The following LUZP2 variants were observed in gnomAD, a reference collection of about 807,000 sequenced individuals.
The protein encoded by LUZP2 is leucine zipper protein 2.
In LUZP2, 52 loss-of-function variants were observed where a neutral mutation model predicts 51.6. The ratio of observed to expected loss-of-function variants is 1.01; its 90% CI spans 0.81 to 1.27. LUZP2 has a LOEUF of 1.27. Ranked by LOEUF, LUZP2 falls within the 50% of genes most tolerant of loss-of-function variation. The probability of loss-of-function intolerance (pLI) is 0.00; values close to 1 mark genes in which losing one functional copy is unlikely to be tolerated. For missense variants in LUZP2, 436 were observed against 395.4 expected, an observed-to-expected ratio of 1.10 and a Z score of -0.87; for synonymous variants, 154 against 137.3, an observed-to-expected ratio of 1.12 and a Z score of -0.85.
In LUZP2 at chr11:25,044,060, G is replaced by GAGTCTATATATATATCTGATATATATAT. The variant is rs1565273232; in HGVS notation, c.766-5965_766-5964insATCTGATATATATATAGTCTATATATAT. On this transcript the variant is annotated intron_variant, in intron 9 of 11. Transcript: ENST00000336930. ...TCTATATATATATCTGATATATATA[G>GAGTCTATATATATATCTGATATATATAT]AGTCTATATATATCTGATAAGACTA... Among the ~76,000 whole-genome samples the GAGTCTATATATATATCTGATATATATAT allele has an allele frequency of 4.0e-4, 41 of 102,292 alleles. 1 individual carries two copies. Among genetic ancestry groups the GAGTCTATATATATATCTGATATATATAT allele is most frequent in the African/African-American group, 1.8e-3 (34 of 18,616 alleles). The allele number at this position is 102,292 out of a possible 152,430, so 67.1% of individuals were successfully genotyped here. A position where few individuals can be genotyped will look rare whatever the true frequency, so the allele number is the denominator to read the frequency against.
chr11:24,691,679 C>T (rs573527544), intron 1 of LUZP2, among the ~76,000 whole-genome samples: 1 of 151,858 alleles, frequency 6.6e-6, no homozygotes. Flanking sequence ...GCAAAGAGTA[C>T]CATTGTATTA....
chr11:24,856,881 G>A (rs78166556), intron 5 of LUZP2, among the ~76,000 whole-genome samples: 1,671 of 152,108 alleles, frequency 0.011, 20 homozygotes, highest in African/African-American at 0.038. Context: ...ATAAGTGGGA[G>A]CTAAATAAAG....
intron 7 of LUZP2, among the ~76,000 whole-genome samples, chr11:24,946,197 T>G (rs1476589360): frequency 6.6e-6 from 1 of 152,078 alleles, no homozygotes; most frequent in African/African-American, 2.4e-5. Flanking sequence ...ACACATCTTG[T>G]TCATCCGTTT....
chr11:24,783,850 T>C (rs1849163954), intron 5 of LUZP2, among the ~76,000 whole-genome samples: 1 of 152,016 alleles, frequency 6.6e-6, no homozygotes, highest in Non-Finnish European at 1.5e-5. Context: ...AAGTTCTTAC[T>C]GAGTAACCAA....
intron 1 of LUZP2, among the ~76,000 whole-genome samples, chr11:24,610,134 A>C (rs111908598): frequency 1.4e-3 from 207 of 152,330 alleles, no homozygotes; most frequent in Middle Eastern, 6.8e-3. Context: ...CACTGACTGA[A>C]GAATGGCGTT....
intron 7 of LUZP2, among the ~76,000 whole-genome samples, chr11:24,968,997 A>T (rs1447587478): frequency 6.6e-6 from 1 of 152,154 alleles, no homozygotes; most frequent in Middle Eastern, 3.2e-3. Flanking sequence ...AGATAATTTG[A>T]ATCCTTTTTT....
intron 1 of LUZP2, among the ~76,000 whole-genome samples, chr11:24,636,499 G>A (rs1855111208): frequency 1.3e-5 from 2 of 152,058 alleles, no homozygotes; most frequent in Non-Finnish European, 2.9e-5. Context: ...TAAAGTGGGG[G>A]CAAATATTAG....
At chr11:24,645,931 G>T (rs1293184289) in intron 1 of LUZP2, among the ~76,000 whole-genome samples, 1 of 151,806 alleles carries the variant, frequency 6.6e-6, no homozygotes, top group East Asian at 1.9e-4. Context: ...GAATCAAATA[G>T]GTCATTCATT....
intron 1 of LUZP2, among the ~76,000 whole-genome samples, chr11:24,559,309 C>G (rs1430807924): frequency 6.6e-6 from 1 of 151,930 alleles, no homozygotes; most frequent in Non-Finnish European, 1.5e-5. Flanking sequence ...CAAACTAAAA[C>G]CTAAATGGTA....
chr11:24,784,344 A>C (rs1232794606), intron 5 of LUZP2, among the ~76,000 whole-genome samples: 2 of 151,986 alleles, frequency 1.3e-5, no homozygotes, highest in East Asian at 3.9e-4. Flanking sequence ...GAATCATTAA[A>C]AAATGTTTTT....
intron 1 of LUZP2, among the ~76,000 whole-genome samples, chr11:24,620,967 C>A (rs1479324118): frequency 6.6e-6 from 1 of 152,168 alleles, no homozygotes. Context: ...CCTCCCTGGG[C>A]AACTTTACCC....
chr11:24,882,060 A>T lies in LUZP2; in HGVS notation c.397-23931A>T, dbSNP rs1385171224. On this transcript the variant is annotated intron_variant, in intron 5 of 11. Transcript: ENST00000336930. ...GAGCTTTCAGATAGCTCTCATTGGTATCAGGTCGCTTCATGTAATTAAAGG... is the reference window on the plus strand; with the variant it reads ...GAGCTTTCAGATAGCTCTCATTGGTTTCAGGTCGCTTCATGTAATTAAAGG... 3.3e-5 allele frequency among the ~76,000 whole-genome samples: 5 copies of T among 152,056 alleles called. No individual in the cohort carries two copies. The South Asian group carries it at 6.2e-4, about 19-fold the overall frequency.
rs1302162615 is a variant in LUZP2 at position 24,717,281 on chromosome 11, AT to A, written c.63-11880del. Among the ~76,000 whole-genome samples, 10 of 151,730 alleles carry A rather than the reference AT, an allele frequency of 6.6e-5. 1 individual carries two copies. Among genetic ancestry groups the A allele is most frequent in the African/African-American group, 2.2e-4 (9 of 41,212 alleles). The stretch of plus-strand genomic sequence containing the variant: ...ATCAAATAAAAACAATGTAGTCTTA[AT>A]TTTTTTTCTTATTTTAAAAAACTTT... On this transcript the variant is annotated intron_variant, in intron 1 of 11. Transcript: ENST00000336930.
intron 1 of LUZP2, among the ~76,000 whole-genome samples, chr11:24,653,379 C>G (rs1280925582): frequency 6.6e-6 from 1 of 152,016 alleles, no homozygotes. Context: ...TCATTATACC[C>G]CCAAAAACAG....
intron 9 of LUZP2, among the ~76,000 whole-genome samples, chr11:25,004,227 C>T (rs1590824486): frequency 6.6e-6 from 1 of 152,166 alleles, no homozygotes; most frequent in African/African-American, 2.4e-5. Flanking sequence ...GTGATTGCCT[C>T]AGCATAGCGG....
At chr11:24,719,960 A>G (rs1858199420) in intron 1 of LUZP2, among the ~76,000 whole-genome samples, 1 of 152,200 alleles carries the variant, frequency 6.6e-6, no homozygotes, top group South Asian at 2.1e-4. Context: ...TCGCAAATAC[A>G]AGAATAAGCC....
At chr11:24,948,818 A>G (rs112609884) in intron 7 of LUZP2, among the ~76,000 whole-genome samples, 53,967 of 143,820 alleles carry the variant, frequency 0.38, 11,886 homozygotes, top group East Asian at 0.71. Context: ...CTATCTATCT[A>G]TCTATCATCT....
intron 1 of LUZP2, among the ~76,000 whole-genome samples, chr11:24,514,830 T>C (rs774997337): frequency 2.0e-5 from 3 of 152,162 alleles, no homozygotes; most frequent in African/African-American, 7.2e-5. Flanking sequence ...GTGAGGGCTG[T>C]TCTGTAAAAG....
At chr11:24,655,626 C>A (rs1354398691) in intron 1 of LUZP2, among the ~76,000 whole-genome samples, 1 of 152,032 alleles carries the variant, frequency 6.6e-6, no homozygotes, top group Non-Finnish European at 1.5e-5. Context: ...TAGATTAATA[C>A]CTTGCTGAGT....
Sources: allele counts gnomAD v4.1 joint callset (sites outside exome capture counted in the v4.1 genomes callset), GRCh38; gene constraint gnomAD v4.1.1; transcripts MANE v1.5; gene names NCBI Gene and HGNC (gene_info 2026-07-23, HGNC 2026-07-21).